Variants in GPHN observed in about 807,000 individuals in gnomAD.
GPHN encodes the protein gephyrin.
In GPHN, 17 loss-of-function variants were observed where a neutral mutation model predicts 95.5. The ratio of observed to expected loss-of-function variants is 0.18; its 90% CI spans 0.12 to 0.27. GPHN has a LOEUF of 0.27. Ranked by LOEUF, GPHN falls within the 10% of genes least tolerant of loss-of-function variation. The probability of loss-of-function intolerance (pLI) is 1.00; values close to 1 mark genes in which losing one functional copy is unlikely to be tolerated. For synonymous variants in GPHN, 320 were observed against 322.5 expected, an observed-to-expected ratio of 0.99 and a Z score of 0.08; for missense variants, 660 against 978.1, an observed-to-expected ratio of 0.67 and a Z score of 4.34.
At chr14:67,330,756 GCTTC>G in the GPHN span, among the ~76,000 whole-genome samples, 2 of 151,998 alleles carry the variant, frequency 1.3e-5, no homozygotes, top group Non-Finnish European at 2.9e-5. Flanking sequence ...CCGGCACCCC[GCTTC>G]CTTGTTTTTC....
At chr14:66,677,808 G>A (rs766323432) in intron 1 of GPHN, among the ~76,000 whole-genome samples, 3 of 152,078 alleles carry the variant, frequency 2.0e-5, no homozygotes, top group Non-Finnish European at 2.9e-5. Flanking sequence ...AATATGTTCT[G>A]TAAGCCATCT....
chr14:67,537,681 A>T, the GPHN span, among the ~76,000 whole-genome samples: 1 of 152,162 alleles, frequency 6.6e-6, no homozygotes, highest in Non-Finnish European at 1.5e-5. Context: ...AAAAGAAAAA[A>T]AAGTAATCTT....
At chr14:67,576,207 G>C in the GPHN span, among the ~76,000 whole-genome samples, 2 of 152,234 alleles carry the variant, frequency 1.3e-5, no homozygotes, top group South Asian at 2.1e-4. The surrounding 1 kb of genome is among the most constrained non-coding windows in gnomAD (Gnocchi z 4.0). Flanking sequence ...TCATGTAATA[G>C]AATCGCAAAT....
the GPHN span, chr14:67,316,941 T>C: frequency 6.6e-7 from 1 of 1,524,654 alleles, no homozygotes; most frequent in South Asian, 1.2e-5. Flanking sequence ...AATGGTTTCT[T>C]GGGTCTTCAT....
At chr14:67,724,407 TTTA>T in the GPHN span, 6 of 1,007,782 alleles carry the variant, frequency 6.0e-6, no homozygotes, top group East Asian at 2.9e-5. Context: ...TTTTTTTTTT[TTTA>T]ACGTATCTTA....
At position 67,012,770 on chromosome 14, in the gene GPHN, A is replaced by G. The variant is rs185491928; in HGVS notation, c.964-10863A>G. Among the ~76,000 whole-genome samples the G allele has an allele frequency of 1.8e-4, 27 of 152,268 alleles. No homozygotes were observed. The East Asian group carries it at 5.2e-3, about 29-fold the overall frequency. ...AACATTTGAGCCTTTGCACACCTTT[A>G]GCTGTTTCCTCAGTCTGGAAAGTTC... On this transcript the variant is annotated intron_variant, in intron 9 of 22. Coordinates refer to ENST00000478722, the MANE Select transcript of GPHN (RefSeq NM_020806.5).
At chr14:67,543,070 G>A in the GPHN span, among the ~76,000 whole-genome samples, 6 of 152,220 alleles carry the variant, frequency 3.9e-5, no homozygotes, top group African/African-American at 7.2e-5. Context: ...CCCATCTAGA[G>A]AGTGAAGACC....
Position 66,618,343 on chromosome 14 carries a change from G to T in GPHN, c.65-62764G>T, listed in dbSNP as rs147316572. Among the ~76,000 whole-genome samples the T allele has an allele frequency of 5.9e-3, 902 of 152,244 alleles. 9 individuals are homozygous for T. Among genetic ancestry groups the T allele is most frequent in the African/African-American group, 0.021 (876 of 41,534 alleles). ...TCCACCTGTGTCTACCTCCCAAAGT[G>T]CTAGGATTACTGGTGTGAGCTACTG... On this transcript the variant is annotated intron_variant, in intron 1 of 22. Coordinates refer to ENST00000478722, the MANE Select transcript of GPHN (RefSeq NM_020806.5).
chr14:66,769,172 A>G (rs1676548996), intron 2 of GPHN, among the ~76,000 whole-genome samples: 1 of 152,068 alleles, frequency 6.6e-6, no homozygotes, highest in African/African-American at 2.4e-5. Context: ...AGTACCTACA[A>G]TAATTACCAA....
At chr14:66,842,257 G>A (rs1205191807) in intron 4 of GPHN, among the ~76,000 whole-genome samples, 1 of 152,058 alleles carries the variant, frequency 6.6e-6, no homozygotes, top group East Asian at 1.9e-4. Flanking sequence ...TACTGCCCCT[G>A]ATTCTTTCTC....
the GPHN span, among the ~76,000 whole-genome samples, chr14:67,217,290 A>G: frequency 6.6e-6 from 1 of 151,738 alleles, no homozygotes; most frequent in Non-Finnish European, 1.5e-5. Flanking sequence ...TTCAGTCTAT[A>G]TGCATCTTTA....
intron 8 of GPHN, among the ~76,000 whole-genome samples, chr14:66,932,456 T>TTTTG (rs1567118412): frequency 8.1e-6 from 1 of 124,074 alleles, no homozygotes; most frequent in Non-Finnish European, 1.7e-5. Flanking sequence ...TTTTTTTTTT[T>TTTTG]TTTTTTTTTT....
At chr14:67,341,330 C>CT in the GPHN span, among the ~76,000 whole-genome samples, 1 of 152,088 alleles carries the variant, frequency 6.6e-6, no homozygotes, top group African/African-American at 2.4e-5. Flanking sequence ...GCCACCCCGT[C>CT]TGAGAAGTGA....
the GPHN span, among the ~76,000 whole-genome samples, chr14:67,249,286 A>G: frequency 6.6e-6 from 1 of 152,192 alleles, no homozygotes; most frequent in Non-Finnish European, 1.5e-5. Context: ...TAAGGCAAAA[A>G]ATCAGCAGGA....
the GPHN span, chr14:67,714,591 T>C: frequency 8.9e-5 from 15 of 168,050 alleles, no homozygotes; most frequent in Non-Finnish European, 1.8e-4. Context: ...ATATGTTCTC[T>C]AGGCCTTTTA....
chr14:67,533,629 G>T, the GPHN span: 1 of 152,188 alleles, frequency 6.6e-6, no homozygotes, highest in Non-Finnish European at 1.5e-5. Flanking sequence ...GCCTCCCCCG[G>T]GAGTACCTGG....
At chr14:67,083,460 C>T (rs915697924) in intron 11 of GPHN, among the ~76,000 whole-genome samples, 1 of 152,138 alleles carries the variant, frequency 6.6e-6, no homozygotes, top group African/African-American at 2.4e-5. Flanking sequence ...TTCCTGAGGC[C>T]TCCCCAGAAG....
chr14:67,116,771 C>T (rs2078719754), intron 16 of GPHN, among the ~76,000 whole-genome samples: 1 of 152,156 alleles, frequency 6.6e-6, no homozygotes, highest in South Asian at 2.1e-4. Flanking sequence ...AATTTGTAAA[C>T]CTCTGTATTT....
chr14:67,592,544 G>C, the GPHN span: 1 of 748,820 alleles, frequency 1.3e-6, no homozygotes, highest in Admixed American at 2.2e-5. Context: ...CAGCTGTCAG[G>C]TATCTTCCAA....
Sources: gnomAD v4.1 joint callset for allele counts (sites outside exome capture counted in the v4.1 genomes callset) on GRCh38, gnomAD v4.1.1 for gene constraint, Gnocchi (gnomAD v3.1) non-coding constraint, MANE v1.5 for transcripts, NCBI Gene and HGNC (gene_info 2026-07-23, HGNC 2026-07-21) for gene names.